MAPRE3: variants seen among roughly 807,000 people sequenced by gnomAD.
The protein encoded by MAPRE3 is microtubule associated protein RP/EB family member 3.
A neutral mutation model predicts 30.5 loss-of-function variants in MAPRE3; 2 were observed. The ratio of observed to expected loss-of-function variants is 0.07; its 90% CI spans 0.03 to 0.21. The LOEUF is 0.21. Ranked by LOEUF, MAPRE3 falls within the 10% of genes least tolerant of loss-of-function variation. The pLI is 1.00. For synonymous variants in MAPRE3, 110 were observed against 127.7 expected (o/e 0.86, Z 0.93); for missense variants, 204 against 351.8 (o/e 0.58, Z 3.36).
chr2:26,983,480 G>A (rs1666158697), intron 1 of MAPRE3, among the ~76,000 whole-genome samples: 1 of 152,178 alleles, frequency 6.6e-6, no homozygotes. Context: ...GGCTGTCCCA[G>A]GATGTGTTAG....
intron 1 of MAPRE3, chr2:26,996,796 G>C (rs1666471749): frequency 6.6e-6 from 1 of 152,042 alleles, no homozygotes; most frequent in Non-Finnish European, 1.5e-5. Context: ...GACAGAGCGA[G>C]ACTCCATCCC....
chr2:26,971,037 T>G (rs1665906964), intron 1 of MAPRE3, among the ~76,000 whole-genome samples: 6 of 124,990 alleles, frequency 4.8e-5, no homozygotes, highest in South Asian at 2.9e-4. Context: ...TCCCCTCCCC[T>G]TCCCTCCGTC....
At chr2:26,995,443 A>G (rs1666430296) in intron 1 of MAPRE3, 1 of 152,254 alleles carries the variant, frequency 6.6e-6, no homozygotes, top group Admixed American at 6.5e-5. Context: ...TGATCCTGGA[A>G]CAAATTATTC....
chr2:27,011,019 G>A (rs1026116134), intron 1 of MAPRE3, among the ~76,000 whole-genome samples: 1 of 152,102 alleles, frequency 6.6e-6, no homozygotes, highest in African/African-American at 2.4e-5. Flanking sequence ...CCTCTGGTCT[G>A]GTAGCTTCAT....
intron 1 of MAPRE3, among the ~76,000 whole-genome samples, chr2:26,981,381 G>A (rs1376141357): frequency 1.3e-5 from 2 of 152,072 alleles, no homozygotes; most frequent in African/African-American, 2.4e-5. Context: ...GAAGACAGGC[G>A]CTGGTTGTCA....
intron 1 of MAPRE3, among the ~76,000 whole-genome samples, chr2:26,979,275 G>T (rs1318685582): frequency 6.6e-5 from 10 of 152,236 alleles, no homozygotes; most frequent in Non-Finnish European, 4.4e-5. Flanking sequence ...AATAATCATT[G>T]TGAACTGGAG....
rs1558378424 is a variant in MAPRE3, at chr2:26,999,517, G to GTTTA, written c.-7-22695_-7-22694insTTTA. On this transcript the variant is annotated intron_variant, in intron 1 of 6. Transcript: ENST00000233121. Reference sequence around the variant, plus strand: ...TTTTTTTTTTTTTTTTTTTTTTTTGGGATGGAGTTTCGCTGTTGTCACCCA... The same window carrying GTTTA: ...TTTTTTTTTTTTTTTTTTTTTTTTGGTTTAGATGGAGTTTCGCTGTTGTCACCCA... Among the ~76,000 whole-genome samples, 6 of 117,978 alleles carry GTTTA rather than the reference G, an allele frequency of 5.1e-5. 1 individual carries two copies. Among genetic ancestry groups the GTTTA allele is most frequent in the East Asian group, 2.3e-4 (1 of 4,324 alleles). 77.4% of individuals were successfully genotyped at this position (117,978 alleles called of 152,430 possible). A position where few individuals can be genotyped will look rare whatever the true frequency, so the allele number is the denominator to read the frequency against.
At chr2:27,018,503 CTT>C in intron 1 of MAPRE3, among the ~76,000 whole-genome samples, 1 of 152,204 alleles carries the variant, frequency 6.6e-6, no homozygotes, top group Non-Finnish European at 1.5e-5. Context: ...TTCTAGCACA[CTT>C]TGGGGCATTT....
intron 1 of MAPRE3, among the ~76,000 whole-genome samples, chr2:27,004,536 C>T (rs553356264): frequency 8.1e-4 from 123 of 151,970 alleles, no homozygotes; most frequent in Non-Finnish European, 1.5e-3. Context: ...TTTTCCACGT[C>T]GAAATACATT....
At chr2:27,016,575 G>A (rs1262821394) in intron 1 of MAPRE3, among the ~76,000 whole-genome samples, 5 of 151,788 alleles carry the variant, frequency 3.3e-5, no homozygotes, top group African/African-American at 9.7e-5. Context: ...TAGTAGAGAC[G>A]GGGTTTCACC....
intron 1 of MAPRE3, among the ~76,000 whole-genome samples, chr2:27,011,464 T>C (rs1403263173): frequency 6.6e-6 from 1 of 152,234 alleles, no homozygotes; most frequent in Non-Finnish European, 1.5e-5. Context: ...ACAAGACCCA[T>C]GCCTTGAAAT....
chr2:27,023,501 C>T, intron 3 of MAPRE3, 24 bp downstream of exon 3: 1 of 1,612,722 alleles, frequency 6.2e-7, no homozygotes, highest in South Asian at 1.1e-5. Flanking sequence ...CTCTGGGGGG[C>T]CCTGAGGAGC....
chr2:27,021,448 G>A (rs1391895149), intron 1 of MAPRE3, among the ~76,000 whole-genome samples: 1 of 152,310 alleles, frequency 6.6e-6, no homozygotes, highest in Admixed American at 6.5e-5. Flanking sequence ...CATATTCTAA[G>A]GAAAGGTTGT....
intron 4 of MAPRE3, among the ~76,000 whole-genome samples, chr2:27,025,222 C>T (rs1667210067): frequency 6.6e-6 from 1 of 152,196 alleles, no homozygotes; most frequent in Non-Finnish European, 1.5e-5. Flanking sequence ...GCTGCCTTTC[C>T]TCTAGCTATG....
intron 1 of MAPRE3, among the ~76,000 whole-genome samples, chr2:27,017,997 A>G (rs1010741942): frequency 2.6e-5 from 4 of 152,220 alleles, no homozygotes; most frequent in African/African-American, 9.6e-5. Context: ...CTGTGGAACC[A>G]GGAAAGCTGC....
At chr2:26,980,059 A>G (rs1025916530) in intron 1 of MAPRE3, among the ~76,000 whole-genome samples, 1 of 152,210 alleles carries the variant, frequency 6.6e-6, no homozygotes, top group Non-Finnish European at 1.5e-5. Flanking sequence ...CAGAGCCCCA[A>G]GTAATAAGCT....
chr2:26,980,448 A>C (rs1666090769), intron 1 of MAPRE3, among the ~76,000 whole-genome samples: 1 of 152,254 alleles, frequency 6.6e-6, no homozygotes, highest in African/African-American at 2.4e-5. Flanking sequence ...TATTTTGTGT[A>C]TTAAAATGTG....
At chr2:27,025,808 G>C (rs897126440) in intron 5 of MAPRE3, 71 bp downstream of exon 5, 1 of 1,613,614 alleles carries the variant, frequency 6.2e-7, no homozygotes, top group Non-Finnish European at 8.5e-7. Flanking sequence ...TGTCTGCAGG[G>C]ACGAGAGGAG....
At position 27,015,742 on chromosome 2, in the gene MAPRE3, T is replaced by A. The variant is rs1029395467; in HGVS notation, c.-7-6470T>A. ...GTGATAAGGTCATTAAATAATAGAATGTGAAATTTCAGTTGTGCAGACTTA... is the reference window on the plus strand; with the variant it reads ...GTGATAAGGTCATTAAATAATAGAAAGTGAAATTTCAGTTGTGCAGACTTA... On this transcript the variant is annotated intron_variant, in intron 1 of 6. Transcript: ENST00000233121. The surrounding 1 kb of genome is among the most constrained non-coding windows in gnomAD (Gnocchi z 4.0). 1.3e-5 allele frequency among the ~76,000 whole-genome samples: 2 copies of A among 152,154 alleles called. No homozygotes were observed. The highest frequency in any genetic ancestry group is 2.9e-5 in the Non-Finnish European group (2 of 68,020).
Sources: allele counts gnomAD v4.1 joint callset (sites outside exome capture counted in the v4.1 genomes callset), GRCh38; gene constraint gnomAD v4.1.1; non-coding constraint Gnocchi (gnomAD v3.1); transcripts MANE v1.5; gene names NCBI Gene and HGNC (gene_info 2026-07-23, HGNC 2026-07-21).